The following DGLUCY variants were observed in gnomAD, a reference collection of about 807,000 sequenced individuals.
The protein encoded by DGLUCY is D-glutamate cyclase.
A neutral mutation model predicts 58.5 loss-of-function variants in DGLUCY; 58 were observed. That is an observed-to-expected ratio of 0.99 (90% confidence interval 0.80 to 1.23). DGLUCY has a LOEUF of 1.23. Among genes scored for constraint, DGLUCY ranks in the 50% most tolerant of loss-of-function variants. The pLI is 0.00. For synonymous variants in DGLUCY, 325 were observed against 314.1 expected (o/e 1.03, Z -0.37); for missense variants, 779 against 784.7 (o/e 0.99, Z 0.09).
chr14:91,174,542 G>A (rs2048754004), intron 6 of DGLUCY, among the ~76,000 whole-genome samples: 1 of 152,166 alleles, frequency 6.6e-6, no homozygotes, highest in Admixed American at 6.5e-5. Flanking sequence ...CTGGCCTCAA[G>A]TGGTCTGCCC....
At chr14:91,193,808 C>T (rs2050047363) in intron 9 of DGLUCY, among the ~76,000 whole-genome samples, 3 of 150,048 alleles carry the variant, frequency 2.0e-5, no homozygotes, top group Middle Eastern at 6.8e-3. Context: ...TACCACTGCA[C>T]TCCAGCCTGG....
At chr14:91,215,843 G>A (rs2140735673) in intron 13 of DGLUCY, 1 of 1,028,256 alleles carries the variant, frequency 9.7e-7, no homozygotes, top group South Asian at 1.7e-5. Flanking sequence ...TGTAAAATGG[G>A]GGTGGTCAGC....
At chr14:91,084,981 G>C (rs1472503492) in intron 1 of DGLUCY, among the ~76,000 whole-genome samples, 3 of 152,162 alleles carry the variant, frequency 2.0e-5, no homozygotes, top group Non-Finnish European at 4.4e-5. Flanking sequence ...CCACACTTTG[G>C]AAGGGCAAAA....
chr14:91,183,475 G>A (rs1445930624), intron 8 of DGLUCY, among the ~76,000 whole-genome samples: 1 of 152,166 alleles, frequency 6.6e-6, no homozygotes, highest in Non-Finnish European at 1.5e-5. Flanking sequence ...GAGAATTACG[G>A]TGTAGCCCAT....
intron 1 of DGLUCY, among the ~76,000 whole-genome samples, chr14:91,139,670 G>C (rs187449158): frequency 4.9e-4 from 75 of 152,300 alleles, no homozygotes; most frequent in Non-Finnish European, 5.9e-5. Flanking sequence ...GGGCAACAGA[G>C]TTGAGGCTTT....
At chr14:91,203,151 A>C (rs1169341838) in intron 11 of DGLUCY, among the ~76,000 whole-genome samples, 1 of 152,228 alleles carries the variant, frequency 6.6e-6, no homozygotes, top group African/African-American at 2.4e-5. Flanking sequence ...AAAGAGATGG[A>C]ATTCATAAGA....
At chr14:91,146,387 C>T (rs550439095) in intron 1 of DGLUCY, among the ~76,000 whole-genome samples, 1 of 152,336 alleles carries the variant, frequency 6.6e-6, no homozygotes, top group East Asian at 1.9e-4. Flanking sequence ...CAATTTCCAG[C>T]ATGTTCCTGA....
chr14:91,129,703 A>G (rs191184542), intron 1 of DGLUCY, among the ~76,000 whole-genome samples: 239 of 151,394 alleles, frequency 1.6e-3, no homozygotes, highest in African/African-American at 5.6e-3. Context: ...CTGGAGTGCA[A>G]TGGCGCAATC....
At chr14:91,110,430 C>CTTT (rs10711938), upstream of DGLUCY, among the ~76,000 whole-genome samples, 21 of 87,926 alleles carry the variant, frequency 2.4e-4, no homozygotes, top group South Asian at 4.0e-4. Context: ...TTCTTTCTTT[C>CTTT]TTTTTTTTTT....
intron 1 of DGLUCY, among the ~76,000 whole-genome samples, chr14:91,151,653 C>A (rs550405858): frequency 4.4e-4 from 64 of 145,860 alleles, no homozygotes; most frequent in South Asian, 1.1e-3. Flanking sequence ...TTTTTCTTTT[C>A]TTTTCTTTTT....
At chr14:91,137,813 G>A (rs998027800) in intron 1 of DGLUCY, among the ~76,000 whole-genome samples, 2 of 152,046 alleles carry the variant, frequency 1.3e-5, no homozygotes, top group African/African-American at 4.8e-5. Flanking sequence ...ACCTGCCTTA[G>A]GGAAGAGGAA....
chr14:91,076,160 A>G (rs2044018004), intron 1 of DGLUCY, among the ~76,000 whole-genome samples: 1 of 151,984 alleles, frequency 6.6e-6, no homozygotes, highest in African/African-American at 2.4e-5. Context: ...TAAGAAGCTC[A>G]TAGCTAGGTA....
chr14:91,076,244 A>T (rs947126067), intron 1 of DGLUCY, among the ~76,000 whole-genome samples: 7 of 152,164 alleles, frequency 4.6e-5, no homozygotes, highest in African/African-American at 1.4e-4. Flanking sequence ...ATCCCCAAGG[A>T]TACTAATATC....
chr14:91,157,287 GTGGATAGATGGATGGATGAA>G (rs1368807464), intron 1 of DGLUCY, among the ~76,000 whole-genome samples: 7 of 141,070 alleles, frequency 5.0e-5, no homozygotes, highest in Non-Finnish European at 7.7e-5. Flanking sequence ...GGATGGGTGG[GTGGATAGATGGATGGATGAA>G]TGGGTGGATG....
chr14:91,151,253 T>G (rs1308739385), intron 1 of DGLUCY, among the ~76,000 whole-genome samples: 1 of 152,252 alleles, frequency 6.6e-6, no homozygotes, highest in Non-Finnish European at 1.5e-5. Flanking sequence ...TTGTTTTGTT[T>G]TTTTGAGACG....
At chr14:91,193,861 A>T (rs7155995) in intron 9 of DGLUCY, among the ~76,000 whole-genome samples, 23,784 of 147,440 alleles carry the variant, frequency 0.16, 2,133 homozygotes, top group Middle Eastern at 0.25. Context: ...AAAAAAAAAA[A>T]GGAGTTTTAA....
chr14:91,185,725 G>A (rs560880065), intron 8 of DGLUCY: 5 of 150,504 alleles, frequency 3.3e-5, no homozygotes, highest in Admixed American at 2.7e-4. Context: ...AAAAGTAATT[G>A]GGAAGTAAAT....
At chr14:91,106,220 A>G (rs1053351508), upstream of DGLUCY, among the ~76,000 whole-genome samples, 7 of 151,702 alleles carry the variant, frequency 4.6e-5, no homozygotes, top group Admixed American at 1.3e-4. Flanking sequence ...AGGCAGGAGA[A>G]TCGCTCGAAC....
chr14:91,221,476 T>C (rs1225359478), intron 13 of DGLUCY, among the ~76,000 whole-genome samples: 3 of 150,652 alleles, frequency 2.0e-5, no homozygotes, highest in East Asian at 1.9e-4. Context: ...GATGGAGGGA[T>C]GCGTGGATAA....
Sources: gnomAD v4.1 joint callset for allele counts (sites outside exome capture counted in the v4.1 genomes callset) on GRCh38, gnomAD v4.1.1 for gene constraint, MANE v1.5 for transcripts, NCBI Gene and HGNC (gene_info 2026-07-23, HGNC 2026-07-21) for gene names.